Variants in TNKS observed in about 807,000 individuals in gnomAD.
The protein encoded by TNKS is poly [ADP-ribose] polymerase tankyrase-1.
In TNKS, 72 loss-of-function variants were observed where a neutral mutation model predicts 135.8. The ratio of observed to expected loss-of-function variants is 0.53; its 90% CI spans 0.44 to 0.64. TNKS has a LOEUF of 0.64. Ranked by LOEUF, TNKS falls within the 30% of genes least tolerant of loss-of-function variation. The pLI is 0.00. For missense variants in TNKS, 1,769 were observed against 1,674.0 expected (o/e 1.06, Z -0.99); for synonymous variants, 849 against 649.3 (o/e 1.31, Z -4.68).
intron 17 of TNKS, chr8:9,743,430 G>A (rs1010988967): frequency 6.6e-6 from 1 of 152,198 alleles, no homozygotes; most frequent in African/African-American, 2.4e-5. Context: ...TCTTCAGCAA[G>A]TGTCTAACTT....
At chr8:9,672,041 T>C (rs1240698724) in intron 3 of TNKS, among the ~76,000 whole-genome samples, 2 of 152,244 alleles carry the variant, frequency 1.3e-5, no homozygotes, top group Non-Finnish European at 2.9e-5. Context: ...GCCATCTCAG[T>C]GATCAGATCA....
intron 3 of TNKS, among the ~76,000 whole-genome samples, chr8:9,676,720 G>A (rs920185351): frequency 5.5e-5 from 8 of 146,510 alleles, no homozygotes; most frequent in Non-Finnish European, 1.1e-4. Context: ...GTTTGTGTGT[G>A]TGTATGTATC....
At chr8:9,745,635 C>T (rs1585408199) in intron 17 of TNKS, among the ~76,000 whole-genome samples, 1 of 152,070 alleles carries the variant, frequency 6.6e-6, no homozygotes, top group African/African-American at 2.4e-5. Context: ...AAACTCCTGA[C>T]CTCAAATGAT....
At chr8:9,576,718 G>A (rs1176248097) in intron 1 of TNKS, among the ~76,000 whole-genome samples, 1 of 151,980 alleles carries the variant, frequency 6.6e-6, no homozygotes, top group Non-Finnish European at 1.5e-5. Flanking sequence ...AATTCAACAT[G>A]AGATTTGGGT....
At chr8:9,678,031 C>G (rs769872821) in intron 3 of TNKS, among the ~76,000 whole-genome samples, 23 of 152,156 alleles carry the variant, frequency 1.5e-4, no homozygotes, top group Non-Finnish European at 2.9e-4. Flanking sequence ...GGCTGGTAAG[C>G]TCTCTAACAT....
intron 3 of TNKS, among the ~76,000 whole-genome samples, chr8:9,669,403 C>T (rs1416318582): frequency 3.1e-5 from 4 of 129,806 alleles, no homozygotes; most frequent in Non-Finnish European, 6.2e-5. Context: ...CCGGCCTGCG[C>T]GACAGAGCGA....
intron 2 of TNKS, among the ~76,000 whole-genome samples, chr8:9,608,516 A>G (rs1799320827): frequency 6.6e-6 from 1 of 151,464 alleles, no homozygotes; most frequent in Admixed American, 6.6e-5. Flanking sequence ...GCACCTTGCG[A>G]CCTCTACTCA....
intron 11 of TNKS, among the ~76,000 whole-genome samples, chr8:9,718,086 A>G (rs1362141651): frequency 3.3e-5 from 5 of 152,156 alleles, no homozygotes; most frequent in African/African-American, 4.8e-5. Flanking sequence ...TGTATTGTCA[A>G]TTGGAGAGTT....
intron 23 of TNKS, among the ~76,000 whole-genome samples, chr8:9,764,997 G>A (rs1440306623): frequency 6.6e-6 from 1 of 152,162 alleles, no homozygotes; most frequent in Non-Finnish European, 1.5e-5. Context: ...CATTCTGAAA[G>A]CGTCAAAGCT....
intron 2 of TNKS, among the ~76,000 whole-genome samples, chr8:9,605,957 T>A (rs939198430): frequency 3.9e-5 from 6 of 152,036 alleles, no homozygotes; most frequent in Admixed American, 1.3e-4. Context: ...TAAAACACAG[T>A]TTATTGGTAT....
chr8:9,590,947 G>A (rs1798567786), intron 2 of TNKS, among the ~76,000 whole-genome samples: 1 of 152,148 alleles, frequency 6.6e-6, no homozygotes, highest in African/African-American at 2.4e-5. Context: ...TGCTTTCGTT[G>A]CTTGTGCTTT....
chr8:9,640,529 G>T (rs1800687787), intron 3 of TNKS, among the ~76,000 whole-genome samples: 1 of 146,078 alleles, frequency 6.8e-6, no homozygotes, highest in African/African-American at 2.5e-5. Context: ...GAATAGGGAA[G>T]TAAATAACTA....
chr8:9,687,382 C>A (rs1803051929), intron 5 of TNKS, among the ~76,000 whole-genome samples: 1 of 152,140 alleles, frequency 6.6e-6, no homozygotes, highest in East Asian at 1.9e-4. Flanking sequence ...GTGCCAAAAT[C>A]CCTTAGAGCA....
At chr8:9,766,171 T>C (rs1807434163) in intron 24 of TNKS, 68 bp from the exon 25 acceptor site, 9 of 1,325,802 alleles carry the variant, frequency 6.8e-6, no homozygotes, top group South Asian at 5.6e-5. Flanking sequence ...CCGATGCAAA[T>C]AGTGTGCAGG....
At chr8:9,682,894 A>C (rs1462791160) in intron 5 of TNKS, among the ~76,000 whole-genome samples, 1 of 151,956 alleles carries the variant, frequency 6.6e-6, no homozygotes, top group Non-Finnish European at 1.5e-5. Context: ...ATTTTTAAGA[A>C]CGTACCTCAA....
chr8:9,587,279 A>ATTTC (rs1798417975), intron 2 of TNKS, among the ~76,000 whole-genome samples: 1 of 152,184 alleles, frequency 6.6e-6, no homozygotes, highest in African/African-American at 2.4e-5. Flanking sequence ...TGGCTTTGAA[A>ATTTC]AGAGAGAAAG....
At position 9,770,159 on chromosome 8, in the gene TNKS, C is replaced by G; in HGVS notation, c.3794C>G (p.Thr1265Ser). 6.2e-7 allele frequency: 1 copy of G among 1,613,394 alleles called. No individual in the cohort carries two copies. The highest frequency in any genetic ancestry group is 8.5e-7 in the Non-Finnish European group (1 of 1,179,940). ...TLGKSFLQFS[T>S]MKMAHAPPGH... is the part of the protein sequence containing the mutation. ...GGGAAATCCTTTCTGCAGTTTAGCA[C>G]CATGAAAATGGCCCACGCGCCTCCA... Residue 1265 changes from threonine to serine, a missense_variant, in exon 26 of 27, where the codon ACC (threonine) becomes AGC (serine). By Grantham distance (58) the Thr-to-Ser change is moderately conservative. Coordinates refer to ENST00000310430, the MANE Select transcript of TNKS (RefSeq NM_003747.3).
At chr8:9,644,785 T>C (rs1316848810) in intron 3 of TNKS, among the ~76,000 whole-genome samples, 1 of 152,186 alleles carries the variant, frequency 6.6e-6, no homozygotes, top group Non-Finnish European at 1.5e-5. Context: ...TTTTACTATA[T>C]GATGGTGCAA....
chr8:9,631,134 A>T (rs1362806289), intron 3 of TNKS, among the ~76,000 whole-genome samples: 1 of 152,208 alleles, frequency 6.6e-6, no homozygotes, highest in Non-Finnish European at 1.5e-5. Context: ...AAATGTACTG[A>T]TTTCAAATAT....
Sources: allele counts gnomAD v4.1 joint callset (sites outside exome capture counted in the v4.1 genomes callset), GRCh38; gene constraint gnomAD v4.1.1; transcripts MANE v1.5; gene names NCBI Gene and HGNC (gene_info 2026-07-23, HGNC 2026-07-21).